The following NDUFAF2 variants were observed in gnomAD, a reference collection of about 807,000 sequenced individuals.
The protein encoded by NDUFAF2 is NADH dehydrogenase [ubiquinone] 1 alpha subcomplex assembly factor 2.
NDUFAF2 carries 13 observed loss-of-function variants against 22.8 expected under a neutral mutation model. The ratio of observed to expected loss-of-function variants is 0.57; its 90% CI spans 0.37 to 0.91. NDUFAF2 has a LOEUF of 0.91. NDUFAF2 is among the 40% of genes least tolerant of loss of function. The pLI is 0.01. For missense variants in NDUFAF2, 162 were observed against 195.2 expected, an observed-to-expected ratio of 0.83 and a Z score of 1.01; for synonymous variants, 53 against 64.2, an observed-to-expected ratio of 0.83 and a Z score of 0.84.
At chr5:60,951,938 G>A (rs1750553050) in intron 1 of NDUFAF2, among the ~76,000 whole-genome samples, 1 of 151,100 alleles carries the variant, frequency 6.6e-6, no homozygotes, top group African/African-American at 2.4e-5. Flanking sequence ...TTTTGTCTTA[G>A]GTGAGTTTTG....
chr5:61,063,590 T>C (rs1161283015), intron 1 of NDUFAF2, among the ~76,000 whole-genome samples: 1 of 152,132 alleles, frequency 6.6e-6, no homozygotes, highest in Admixed American at 6.6e-5. Context: ...GACTGTGGTA[T>C]CAAAAATGTA....
intron 1 of NDUFAF2, among the ~76,000 whole-genome samples, chr5:61,029,538 C>A (rs1201455250): frequency 6.6e-6 from 1 of 152,116 alleles, no homozygotes; most frequent in Non-Finnish European, 1.5e-5. Flanking sequence ...TTGTTGCCAG[C>A]TACTCTGCAT....
chr5:61,095,524 G>C (rs1752628777), intron 2 of NDUFAF2, among the ~76,000 whole-genome samples: 1 of 152,136 alleles, frequency 6.6e-6, no homozygotes, highest in Non-Finnish European at 1.5e-5. Context: ...CTTCTTCCTA[G>C]GGGTATGTAC....
At chr5:61,102,060 A>T (rs1752710949) in intron 3 of NDUFAF2, among the ~76,000 whole-genome samples, 1 of 152,164 alleles carries the variant, frequency 6.6e-6, no homozygotes, top group Non-Finnish European at 1.5e-5. Context: ...TTGCTGGATG[A>T]TGCTGATGCT....
chr5:61,100,620 C>T (rs554207594), intron 3 of NDUFAF2, among the ~76,000 whole-genome samples: 1 of 152,064 alleles, frequency 6.6e-6, no homozygotes, highest in African/African-American at 2.4e-5. Context: ...TCTTTGTTAG[C>T]AAATTACCAT....
chr5:61,096,770 C>T (rs185539463), intron 2 of NDUFAF2, among the ~76,000 whole-genome samples: 17 of 150,680 alleles, frequency 1.1e-4, no homozygotes, highest in Non-Finnish European at 2.4e-4. Flanking sequence ...TCAAGACCAG[C>T]GTGGCCAACA....
intron 1 of NDUFAF2, among the ~76,000 whole-genome samples, chr5:61,064,771 A>G (rs1752208294): frequency 6.6e-6 from 1 of 152,082 alleles, no homozygotes; most frequent in Non-Finnish European, 1.5e-5. Context: ...TGCCTATGTT[A>G]AAAAGAAGAA....
Position 60,945,239 on chromosome 5 carries a change from G to T in NDUFAF2, c.-17G>T. ...GCGGGTCCCGCTGCTGGCAGCGCTG[G>T]AAACTGGGTGGACGGCATGGGTTGG... On this transcript the variant is annotated 5_prime_UTR_variant, in exon 1 of 4. Transcript: ENST00000296597. 1 of 1,611,896 alleles carries T rather than the reference G, an allele frequency of 6.2e-7. No homozygotes were observed. Among genetic ancestry groups the T allele is most frequent in the Admixed American group, 1.7e-5 (1 of 59,856 alleles).
intron 1 of NDUFAF2, among the ~76,000 whole-genome samples, chr5:60,988,210 T>C (rs551920594): frequency 6.6e-6 from 1 of 151,864 alleles, no homozygotes; most frequent in Non-Finnish European, 1.5e-5. Context: ...TACCTAGGAG[T>C]ACAGCTAACT....
At chr5:61,028,918 A>G (rs1359378756) in intron 1 of NDUFAF2, among the ~76,000 whole-genome samples, 4 of 152,098 alleles carry the variant, frequency 2.6e-5, no homozygotes, top group South Asian at 2.1e-4. Flanking sequence ...TCTGTCATCT[A>G]TCTTCCTGAT....
intron 1 of NDUFAF2, among the ~76,000 whole-genome samples, chr5:60,997,640 A>G (rs1045299572): frequency 6.6e-6 from 1 of 152,236 alleles, no homozygotes; most frequent in African/African-American, 2.4e-5. Context: ...ATAATTATTC[A>G]TAACTAATAA....
At chr5:61,114,263 T>C (rs1225858305) in intron 3 of NDUFAF2, among the ~76,000 whole-genome samples, 1 of 152,164 alleles carries the variant, frequency 6.6e-6, no homozygotes, top group Non-Finnish European at 1.5e-5. Flanking sequence ...TCAAATACCC[T>C]GTCTTTAGGC....
chr5:60,984,184 A>G (rs1751033985), intron 1 of NDUFAF2, among the ~76,000 whole-genome samples: 1 of 152,168 alleles, frequency 6.6e-6, no homozygotes, highest in Admixed American at 6.5e-5. Context: ...GAGTTCATTC[A>G]TGATTTGGCT....
intron 3 of NDUFAF2, chr5:61,146,085 A>C (rs1264901165): frequency 6.6e-6 from 1 of 152,222 alleles, no homozygotes; most frequent in Non-Finnish European, 1.5e-5. Context: ...GGAGGTAATA[A>C]GGCAGAGTGT....
intron 1 of NDUFAF2, among the ~76,000 whole-genome samples, chr5:60,982,878 A>G (rs1162795758): frequency 6.6e-6 from 1 of 152,064 alleles, no homozygotes; most frequent in Non-Finnish European, 1.5e-5. Flanking sequence ...ATGTGTCTTT[A>G]GAGAAGCATG....
At chr5:60,954,019 C>A (rs1014425185) in intron 1 of NDUFAF2, among the ~76,000 whole-genome samples, 4 of 152,060 alleles carry the variant, frequency 2.6e-5, no homozygotes, top group Non-Finnish European at 4.4e-5. Flanking sequence ...ATCATTATTT[C>A]TAGTGATATA....
intron 3 of NDUFAF2, among the ~76,000 whole-genome samples, chr5:61,119,580 C>G (rs1752952409): frequency 1.3e-5 from 2 of 152,134 alleles, no homozygotes; most frequent in Non-Finnish European, 2.9e-5. Context: ...TGGTCAACAT[C>G]CCATTTTTTT....
At chr5:61,080,058 CT>C (rs374857100) in intron 2 of NDUFAF2, among the ~76,000 whole-genome samples, 140 of 147,854 alleles carry the variant, frequency 9.5e-4, no homozygotes, top group East Asian at 4.7e-3. Context: ...CAAAAGGCAG[CT>C]TTTTTTTTTA....
intron 2 of NDUFAF2, among the ~76,000 whole-genome samples, chr5:61,079,850 T>C (rs1048972553): frequency 6.6e-6 from 1 of 152,200 alleles, no homozygotes; most frequent in Non-Finnish European, 1.5e-5. Context: ...TCTTAACTTA[T>C]ATAGTCTGCT....
Sources: gnomAD v4.1 joint callset for allele counts (sites outside exome capture counted in the v4.1 genomes callset) on GRCh38, gnomAD v4.1.1 for gene constraint, MANE v1.5 for transcripts, NCBI Gene and HGNC (gene_info 2026-07-23, HGNC 2026-07-21) for gene names.